Variants in TSHZ1 observed in about 807,000 individuals in gnomAD.
The protein encoded by TSHZ1 is teashirt zinc finger homeobox 1, also known as teashirt homolog 1.
Under a neutral mutation model 67.1 loss-of-function variants are expected in TSHZ1, and 12 were observed. The observed-to-expected ratio is 0.18, with a 90% CI of 0.11 to 0.29. The LOEUF is 0.29. Among genes scored for constraint, TSHZ1 ranks in the 10% least tolerant of loss-of-function variants. TSHZ1 has a pLI of 1.00. For missense variants in TSHZ1, 1,305 were observed against 1,413.9 expected (o/e 0.92, Z 1.23); for synonymous variants, 632 against 622.4 (o/e 1.02, Z -0.23).
At chr18:75,282,959 G>A (rs1411262553) in intron 1 of TSHZ1, 2 of 152,336 alleles carry the variant, frequency 1.3e-5, no homozygotes, top group Non-Finnish European at 2.9e-5. Context: ...TCCCCGAACT[G>A]AGCAGATCCA....
Position 75,214,172 on chromosome 18 carries a change from G to A in TSHZ1, c.40+2256G>A, listed in dbSNP as rs1369479107. 3.9e-5 allele frequency among the ~76,000 whole-genome samples: 6 copies of A among 152,162 alleles called. No individual in the cohort carries two copies. In the East Asian group the frequency reaches 5.8e-4, roughly 15 times the overall value. On this transcript the variant is annotated intron_variant, in intron 1 of 1. Coordinates refer to ENST00000580243, the MANE Select transcript of TSHZ1 (RefSeq NM_001308210.2). Reference sequence around the variant, plus strand: ...CCCCTCACTCATAAAAAGCATTAACGTGGATTCCTAGCAAAATAAGGCTGT... The same window carrying A: ...CCCCTCACTCATAAAAAGCATTAACATGGATTCCTAGCAAAATAAGGCTGT...
At chr18:75,271,037 G>C (rs1282353143) in intron 1 of TSHZ1, among the ~76,000 whole-genome samples, 2 of 152,118 alleles carry the variant, frequency 1.3e-5, no homozygotes, top group Non-Finnish European at 2.9e-5. Flanking sequence ...GATAGAATTT[G>C]TTTTGTTTCT....
intron 1 of TSHZ1, among the ~76,000 whole-genome samples, chr18:75,277,828 T>G (rs1296659817): frequency 6.6e-6 from 1 of 152,124 alleles, no homozygotes; most frequent in East Asian, 1.9e-4. Context: ...ATACTGATGG[T>G]GATGATTCTG....
Position 75,281,547 on chromosome 18 carries a change from A to T in TSHZ1, c.41-3901A>T, listed in dbSNP as rs1021579824. Among the ~76,000 whole-genome samples the T allele has an allele frequency of 2.0e-5, 3 of 152,060 alleles. No homozygotes were observed. Among genetic ancestry groups the T allele is most frequent in the Non-Finnish European group, 4.4e-5 (3 of 68,010 alleles). ...GGTGGCATGACAGGCGTCCTCCCTG[A>T]TGGGCCTGTGTCTGGCAGGTGTGCA... is the stretch of plus-strand genomic sequence containing the variant. On this transcript the variant is annotated intron_variant, in intron 1 of 1. Transcript: ENST00000580243. The surrounding 1 kb of genome is among the most constrained non-coding windows in gnomAD (Gnocchi z 5.3).
In TSHZ1 at chr18:75,282,157, A is replaced by G. The variant is rs114316268; in HGVS notation, c.41-3291A>G. ...CTGACACACATTGGCGATGAGATAC[A>G]TTGTAGCTCAGCCTAGGAACTTCCC... is the stretch of plus-strand genomic sequence containing the variant. On this transcript the variant is annotated intron_variant, in intron 1 of 1. Transcript: ENST00000580243. Among the ~76,000 whole-genome samples the G allele has an allele frequency of 9.1e-3, 1,381 of 152,288 alleles. 20 individuals are homozygous for G. The highest frequency in any genetic ancestry group is 0.03 in the African/African-American group (1,255 of 41,558).
At position 75,288,101 on chromosome 18, in the gene TSHZ1, C is replaced by G. The variant is rs2023807828; in HGVS notation, c.2694C>G (p.Leu898=). 6.2e-7 allele frequency: 1 copy of G among 1,613,506 alleles called. No individual in the cohort carries two copies. The highest frequency in any genetic ancestry group is 8.5e-7 in the Non-Finnish European group (1 of 1,180,000). ...RQSNWNPQHL[L]ILQAQFASSL... is the part of the protein sequence containing the mutation. ...CCAACTGGAACCCGCAGCACCTTCT[C>G]ATCCTGCAGGCCCAGTTCGCCTCGA... is the stretch of plus-strand genomic sequence containing the variant. Residue 898 remains leucine (L), a synonymous_variant, in exon 2 of 2, where the codon CTC becomes CTG. Coordinates refer to ENST00000580243, the MANE Select transcript of TSHZ1 (RefSeq NM_001308210.2). This position sits in a 1 kb window ranked among gnomAD's most constrained non-coding sequence, Gnocchi z 4.9.
At chr18:75,224,796 G>A (rs1274088424) in intron 1 of TSHZ1, among the ~76,000 whole-genome samples, 1 of 152,010 alleles carries the variant, frequency 6.6e-6, no homozygotes, top group African/African-American at 2.4e-5. Context: ...TAGAGGCCTG[G>A]GTCTTTGTTC....
At position 75,285,882 on chromosome 18, in the gene TSHZ1, A is replaced by ACCCCC; in HGVS notation, c.476_477insCCCCC (p.Pro161HisfsTer103). ...GAAGGAGAGCTCCGCCCCCACCCCCACACCCCCCACCTGCCCCGTCAGCAC... is the reference window on the plus strand; with the variant it reads ...GAAGGAGAGCTCCGCCCCCACCCCCACCCCCCACCCCCCACCTGCCCCGTCAGCAC... On this transcript the variant is annotated frameshift_variant, in exon 2 of 2. Coordinates refer to ENST00000580243, the MANE Select transcript of TSHZ1 (RefSeq NM_001308210.2). LOFTEE classifies it high-confidence loss of function. 2.2e-6 allele frequency: 1 copy of ACCCCC among 453,042 alleles called. No individual in the cohort carries two copies. Among genetic ancestry groups the ACCCCC allele is most frequent in the Non-Finnish European group, 3.0e-6 (1 of 332,910 alleles). 28.1% of individuals were successfully genotyped at this position (453,042 alleles called of 1,614,324 possible).
At chr18:75,213,143 G>A (rs1272781704) in intron 1 of TSHZ1, among the ~76,000 whole-genome samples, 2 of 152,190 alleles carry the variant, frequency 1.3e-5, no homozygotes, top group East Asian at 3.8e-4. Flanking sequence ...ACTTAAAGCA[G>A]AGATTACTGC....
chr18:75,256,014 A>C (rs2023357832), intron 1 of TSHZ1, among the ~76,000 whole-genome samples: 1 of 152,254 alleles, frequency 6.6e-6, no homozygotes, highest in Non-Finnish European at 1.5e-5. Context: ...CCAAGGCAAG[A>C]ATGATAACAC....
At chr18:75,277,930 C>T (rs141988030) in intron 1 of TSHZ1, among the ~76,000 whole-genome samples, 12 of 152,174 alleles carry the variant, frequency 7.9e-5, no homozygotes, top group African/African-American at 2.9e-4. Flanking sequence ...TCCCAAGGAG[C>T]GAGTGAGTGT....
intron 1 of TSHZ1, among the ~76,000 whole-genome samples, chr18:75,228,613 A>G (rs753450415): frequency 3.3e-5 from 5 of 152,250 alleles, no homozygotes; most frequent in Non-Finnish European, 5.9e-5. Flanking sequence ...TAGCATATGC[A>G]ATACAAGCAG....
rs1371118253 is a variant in TSHZ1, at chr18:75,281,586, C to T, written c.41-3862C>T. Among the ~76,000 whole-genome samples, 1 of 152,122 alleles carries T rather than the reference C, an allele frequency of 6.6e-6. No individual in the cohort carries two copies. The highest frequency in any genetic ancestry group is 1.5e-5 in the Non-Finnish European group (1 of 68,014). ...GGCAGGTGTGCAGGGGTGCTCATGG[C>T]TGTGGTCGGCACAGGCCCTGGGGTT... On this transcript the variant is annotated intron_variant, in intron 1 of 1. Transcript: ENST00000580243. The surrounding 1 kb of genome is among the most constrained non-coding windows in gnomAD (Gnocchi z 5.3).
At chr18:75,217,254 G>T (rs574470052) in intron 1 of TSHZ1, among the ~76,000 whole-genome samples, 1 of 152,206 alleles carries the variant, frequency 6.6e-6, no homozygotes, top group Non-Finnish European at 1.5e-5. Context: ...CATTGATTGT[G>T]TGAATTCACA....
chr18:75,266,056 T>C (rs1408868632), intron 1 of TSHZ1, among the ~76,000 whole-genome samples: 1 of 152,208 alleles, frequency 6.6e-6, no homozygotes, highest in East Asian at 1.9e-4. Flanking sequence ...CCTTTTTTGG[T>C]GTCCTGAGCC....
At chr18:75,250,492 G>A (rs2023286927) in intron 1 of TSHZ1, among the ~76,000 whole-genome samples, 1 of 152,202 alleles carries the variant, frequency 6.6e-6, no homozygotes. Context: ...CCCTCCCCGC[G>A]TGGACGTGGA....
chr18:75,226,573 T>G (rs978055685), intron 1 of TSHZ1, among the ~76,000 whole-genome samples: 3 of 137,788 alleles, frequency 2.2e-5, no homozygotes, highest in Non-Finnish European at 4.8e-5. Flanking sequence ...TTTTTCAACT[T>G]TTTTTTTTTT....
chr18:75,278,053 G>A (rs2023636419), intron 1 of TSHZ1, among the ~76,000 whole-genome samples: 1 of 152,066 alleles, frequency 6.6e-6, no homozygotes, highest in African/African-American at 2.4e-5. Flanking sequence ...GGGGTGGGTG[G>A]GGGGATCTGT....
chr18:75,212,361 T>C (rs1195895403), intron 1 of TSHZ1, among the ~76,000 whole-genome samples: 1 of 152,046 alleles, frequency 6.6e-6, no homozygotes, highest in Non-Finnish European at 1.5e-5. Flanking sequence ...AAGATTTCTC[T>C]GGAAAACAGC....
Sources: gnomAD v4.1 joint callset for allele counts (sites outside exome capture counted in the v4.1 genomes callset) on GRCh38, gnomAD v4.1.1 for gene constraint, Gnocchi (gnomAD v3.1) non-coding constraint, MANE v1.5 for transcripts, NCBI Gene and HGNC (gene_info 2026-07-23, HGNC 2026-07-21) for gene names.